HNF4G: variants seen among roughly 807,000 people sequenced by gnomAD.
The protein encoded by HNF4G is hepatocyte nuclear factor 4 gamma.
A neutral mutation model predicts 50.9 loss-of-function variants in HNF4G; 21 were observed. The observed-to-expected ratio is 0.41, with a 90% CI of 0.29 to 0.59. The LOEUF (loss-of-function observed/expected upper bound fraction) is 0.59, where lower values mean the gene tolerates loss of function less well. HNF4G is among the 20% of genes least tolerant of loss of function. The probability of loss-of-function intolerance (pLI) is 0.26; values close to 1 mark genes in which losing one functional copy is unlikely to be tolerated. For missense variants in HNF4G, 527 were observed against 559.4 expected (o/e 0.94, Z 0.58); for synonymous variants, 198 against 185.6 (o/e 1.07, Z -0.54).
rs570687418 is a variant in HNF4G at position 75,494,574 on chromosome 8, A to G, written c.-24+4366A>G. Among the ~76,000 whole-genome samples the G allele has an allele frequency of 6.6e-4, 101 of 152,280 alleles. 1 individual carries two copies. Among genetic ancestry groups the G allele is most frequent in the Non-Finnish European group, 1.2e-3 (80 of 68,010 alleles). On this transcript the variant is annotated intron_variant, in intron 2 of 10. Transcript: ENST00000354370. ...AATAAAGATTACACATTAAAATATT[A>G]TGAATCATGTGCATTTAGAAACAAT...
At chr8:75,513,500 G>A (rs536105534) in intron 2 of HNF4G, among the ~76,000 whole-genome samples, 5 of 152,240 alleles carry the variant, frequency 3.3e-5, no homozygotes, top group African/African-American at 1.2e-4. Context: ...TTATTTTTGA[G>A]TATCTACTAT....
intron 1 of HNF4G, among the ~76,000 whole-genome samples, chr8:75,442,163 C>T (rs1419711878): frequency 6.6e-6 from 1 of 151,854 alleles, no homozygotes; most frequent in African/African-American, 2.4e-5. Flanking sequence ...CAAAGAAATG[C>T]AAGAAGTTAT....
intron 2 of HNF4G, among the ~76,000 whole-genome samples, chr8:75,518,145 C>G (rs1432739722): frequency 8.0e-6 from 1 of 125,364 alleles, no homozygotes; most frequent in Non-Finnish European, 1.7e-5. Context: ...CCCCTCCCCC[C>G]ACCCCACAAC....
intron 1 of HNF4G, among the ~76,000 whole-genome samples, chr8:75,451,457 G>A (rs115673836): frequency 0.02 from 3,042 of 151,960 alleles, 105 homozygotes; most frequent in African/African-American, 0.069. Flanking sequence ...TTTTCTTCTG[G>A]TAGTTTTATA....
intron 2 of HNF4G, among the ~76,000 whole-genome samples, chr8:75,501,890 T>C (rs2130706542): frequency 8.3e-6 from 1 of 120,190 alleles, no homozygotes; most frequent in South Asian, 2.4e-4. Context: ...TCTCTCTTTG[T>C]TGCCCAGGCT....
intron 1 of HNF4G, among the ~76,000 whole-genome samples, chr8:75,468,176 AT>A (rs1260407837): frequency 6.6e-6 from 1 of 152,186 alleles, no homozygotes; most frequent in Non-Finnish European, 1.5e-5. Flanking sequence ...ATTCTATAAT[AT>A]AGTTTTTCTA....
chr8:75,522,632 T>A (rs1025888871), intron 2 of HNF4G, among the ~76,000 whole-genome samples: 1 of 152,158 alleles, frequency 6.6e-6, no homozygotes, highest in Non-Finnish European at 1.5e-5. Context: ...TGGCCTGTAG[T>A]CACTACATGC....
chr8:75,546,269 T>A (rs564530375), intron 2 of HNF4G, among the ~76,000 whole-genome samples: 1 of 152,282 alleles, frequency 6.6e-6, no homozygotes, highest in Non-Finnish European at 1.5e-5. Context: ...GTCCTTCTCT[T>A]TATTTTACAA....
chr8:75,510,265 G>A (rs1805715560), intron 2 of HNF4G, among the ~76,000 whole-genome samples: 1 of 152,146 alleles, frequency 6.6e-6, no homozygotes, highest in South Asian at 2.1e-4. Flanking sequence ...TTGACAATGT[G>A]TATATGTTTT....
At chr8:75,448,393 A>G (rs2130569286) in intron 1 of HNF4G, among the ~76,000 whole-genome samples, 1 of 146,726 alleles carries the variant, frequency 6.8e-6, no homozygotes, top group African/African-American at 2.5e-5. Context: ...ACTAACCTGC[A>G]CAATGTGCAC....
chr8:75,507,261 C>CT (rs34235931), intron 2 of HNF4G, among the ~76,000 whole-genome samples: 8,230 of 136,784 alleles, frequency 0.06, 276 homozygotes, highest in Non-Finnish European at 0.075. Context: ...TTTTAAAATT[C>CT]TTTTTTTTTT....
chr8:75,425,202 A>G (rs1372727051), intron 1 of HNF4G, among the ~76,000 whole-genome samples: 2 of 151,944 alleles, frequency 1.3e-5, no homozygotes, highest in African/African-American at 4.8e-5. Flanking sequence ...CTCCCGTCTC[A>G]GCCTCCCGAG....
At chr8:75,480,297 T>C (rs959527823) in intron 1 of HNF4G, among the ~76,000 whole-genome samples, 7 of 152,356 alleles carry the variant, frequency 4.6e-5, no homozygotes, top group South Asian at 2.1e-4. Context: ...TATACGTGCA[T>C]AGCCATGGCA....
rs533137653 is a variant in HNF4G, at chr8:75,542,447, A to T, written c.119-1364A>T. 2.0e-5 allele frequency among the ~76,000 whole-genome samples: 3 copies of T among 152,158 alleles called. No individual in the cohort carries two copies. The East Asian group carries it at 5.8e-4, about 29-fold the overall frequency. On this transcript the variant is annotated intron_variant, in intron 1 of 9. Transcript: ENST00000396423. The stretch of plus-strand genomic sequence containing the variant: ...TAACAGAAACCTGGTAGCTAGCTCA[A>T]AGAAACGTTTAGGGAGGAACTTTCT...
At chr8:75,510,233 C>A (rs1338330676) in intron 2 of HNF4G, among the ~76,000 whole-genome samples, 1 of 151,870 alleles carries the variant, frequency 6.6e-6, no homozygotes, top group African/African-American at 2.4e-5. Context: ...ATATGGATAT[C>A]AAGAAAAATA....
At chr8:75,505,032 T>C (rs951012957) in intron 2 of HNF4G, among the ~76,000 whole-genome samples, 1 of 152,166 alleles carries the variant, frequency 6.6e-6, no homozygotes, top group African/African-American at 2.4e-5. Context: ...ATATGCTCAA[T>C]TTTTAACACT....
At chr8:75,529,997 GT>G (rs759824913) in intron 2 of HNF4G, among the ~76,000 whole-genome samples, 2 of 152,170 alleles carry the variant, frequency 1.3e-5, no homozygotes, top group Non-Finnish European at 2.9e-5. Flanking sequence ...GCAGAACAGA[GT>G]GCGTGTGCAG....
chr8:75,473,662 A>G (rs1158402538), intron 1 of HNF4G, among the ~76,000 whole-genome samples: 1 of 152,206 alleles, frequency 6.6e-6, no homozygotes, highest in Non-Finnish European at 1.5e-5. Context: ...CATCATCCAC[A>G]ATAAGATTTA....
intron 1 of HNF4G, among the ~76,000 whole-genome samples, chr8:75,467,410 C>T (rs1812012187): frequency 6.6e-6 from 1 of 152,126 alleles, no homozygotes; most frequent in Admixed American, 6.5e-5. Flanking sequence ...GCCTGTAATC[C>T]CAACACTTTG....
Sources: allele counts gnomAD v4.1 joint callset (sites outside exome capture counted in the v4.1 genomes callset), GRCh38; gene constraint gnomAD v4.1.1; transcripts MANE v1.5; gene names NCBI Gene and HGNC (gene_info 2026-07-23, HGNC 2026-07-21).